Variants in BORCS5 observed in about 807,000 individuals in gnomAD.
The protein encoded by BORCS5 is BLOC-1-related complex subunit 5.
Under a neutral mutation model 22.1 loss-of-function variants are expected in BORCS5, and 17 were observed. That is an observed-to-expected ratio of 0.77 (90% confidence interval 0.53 to 1.15). The LOEUF (loss-of-function observed/expected upper bound fraction) is 1.15, where lower values mean the gene tolerates loss of function less well. BORCS5 is among the 50% of genes most tolerant of loss of function. The pLI is 0.00. For synonymous variants in BORCS5, 117 were observed against 99.8 expected (o/e 1.17, Z -1.03); for missense variants, 247 against 253.2 (o/e 0.98, Z 0.17).
chr12:12,439,945 A>G (rs1461419341), intron 3 of BORCS5, among the ~76,000 whole-genome samples: 1 of 151,976 alleles, frequency 6.6e-6, no homozygotes, highest in Non-Finnish European at 1.5e-5. Context: ...TCAAACACCA[A>G]CTCTCTGATA....
chr12:12,392,350 T>C (rs1181540909), intron 2 of BORCS5, among the ~76,000 whole-genome samples: 6 of 152,090 alleles, frequency 3.9e-5, no homozygotes, highest in Admixed American at 1.3e-4. Context: ...TCTGTGCTTT[T>C]TCCTATCATG....
chr12:12,369,715 T>C (rs1259139861), intron 2 of BORCS5, among the ~76,000 whole-genome samples: 1 of 106,452 alleles, frequency 9.4e-6, no homozygotes, highest in African/African-American at 4.1e-5. Context: ...CCCACTTCTT[T>C]TTTTTTTTTT....
rs115968233 is a variant in BORCS5 at position 12,441,851 on chromosome 12, G to T, written c.360+6066G>T. Among the ~76,000 whole-genome samples, 4 of 152,156 alleles carry T rather than the reference G, an allele frequency of 2.6e-5. No homozygotes were observed. The East Asian group carries it at 7.7e-4, about 29-fold the overall frequency. On this transcript the variant is annotated intron_variant, in intron 3 of 3. Transcript: ENST00000314565. ...ATTCTGCTTTGTGGATAGCATACTC[G>T]TGCCTGGGGAACATGGGTCTTGAGA... is the stretch of plus-strand genomic sequence containing the variant.
chr12:12,363,005 GT>G (rs1863325579), intron 2 of BORCS5, among the ~76,000 whole-genome samples: 1 of 151,756 alleles, frequency 6.6e-6, no homozygotes. Context: ...CTCTAAAGAA[GT>G]TAACAATAGT....
intron 2 of BORCS5, among the ~76,000 whole-genome samples, chr12:12,414,387 A>C (rs1207652179): frequency 2.8e-5 from 2 of 70,624 alleles, no homozygotes; most frequent in Non-Finnish European, 5.8e-5. Context: ...CGGGGGGCTG[A>C]CCCCCCCACC....
At chr12:12,451,850 G>A (rs1282583644) in intron 3 of BORCS5, among the ~76,000 whole-genome samples, 1 of 151,094 alleles carries the variant, frequency 6.6e-6, no homozygotes, top group Non-Finnish European at 1.5e-5. Flanking sequence ...CCCAGGAGGC[G>A]GAGCTTGCAG....
chr12:12,417,872 G>A (rs927576420), intron 2 of BORCS5, among the ~76,000 whole-genome samples: 2 of 151,950 alleles, frequency 1.3e-5, no homozygotes, highest in African/African-American at 4.8e-5. Flanking sequence ...GAACTCCTGA[G>A]CTCAAGCAGT....
At chr12:12,425,890 G>A (rs1023232297) in intron 2 of BORCS5, among the ~76,000 whole-genome samples, 3 of 152,188 alleles carry the variant, frequency 2.0e-5, no homozygotes, top group Admixed American at 1.3e-4. Flanking sequence ...CTGCTTAATT[G>A]ACTACTACAG....
In BORCS5 at chr12:12,430,372, C is replaced by T. The variant is rs187463145; in HGVS notation, c.203-5256C>T. Among the ~76,000 whole-genome samples, 311 of 152,098 alleles carry T rather than the reference C, an allele frequency of 2.0e-3. 2 individuals carry two copies. Among genetic ancestry groups the T allele is most frequent in the African/African-American group, 7.2e-3 (297 of 41,474 alleles). On this transcript the variant is annotated intron_variant, in intron 2 of 3. Transcript: ENST00000314565. The stretch of plus-strand genomic sequence containing the variant: ...TTCACCATGTTAGCCAGGGTGGTCT[C>T]GATCTCCTGACCTCGTGATTCGCCT...
intron 2 of BORCS5, among the ~76,000 whole-genome samples, chr12:12,408,000 C>T (rs551741819): frequency 2.6e-5 from 4 of 152,244 alleles, no homozygotes; most frequent in South Asian, 2.1e-4. Context: ...TGAGCCACCG[C>T]GCCTGGCCAA....
intron 2 of BORCS5, among the ~76,000 whole-genome samples, chr12:12,396,888 A>C (rs1028484256): frequency 6.6e-6 from 1 of 152,246 alleles, no homozygotes; most frequent in African/African-American, 2.4e-5. Flanking sequence ...TGCTCAGCAT[A>C]CTTTTTGAAA....
chr12:12,412,900 C>CTTTTTTTGTTTTTTTT (rs1941775575), intron 2 of BORCS5, among the ~76,000 whole-genome samples: 1 of 74,174 alleles, frequency 1.3e-5, no homozygotes, highest in African/African-American at 4.7e-5. Context: ...TTGTGGTTTT[C>CTTTTTTTGTTTTTTTT]TTTTTTTTTT....
chr12:12,374,327 T>G (rs1339622199), intron 2 of BORCS5, among the ~76,000 whole-genome samples: 1 of 151,534 alleles, frequency 6.6e-6, no homozygotes, highest in Non-Finnish European at 1.5e-5. Context: ...CTATATATAT[T>G]TTAAAACATA....
intron 2 of BORCS5, among the ~76,000 whole-genome samples, chr12:12,416,698 C>A (rs760314496): frequency 6.6e-6 from 1 of 151,918 alleles, no homozygotes; most frequent in Non-Finnish European, 1.5e-5. Context: ...TGGGCTCAAG[C>A]GATCCTTCCA....
intron 2 of BORCS5, among the ~76,000 whole-genome samples, chr12:12,369,162 G>A (rs943093560): frequency 7.2e-5 from 11 of 151,950 alleles, no homozygotes; most frequent in African/African-American, 2.2e-4. Flanking sequence ...TGATCCTTCC[G>A]TCTTTATGAA....
At chr12:12,402,795 C>T (rs1441254192) in intron 2 of BORCS5, among the ~76,000 whole-genome samples, 1 of 152,180 alleles carries the variant, frequency 6.6e-6, no homozygotes, top group Admixed American at 6.5e-5. Flanking sequence ...TCTCTATTAG[C>T]TTCTACTGTA....
In BORCS5 at chr12:12,436,262, A is replaced by G. The variant is rs76156761; in HGVS notation, c.360+477A>G. Among the ~76,000 whole-genome samples the G allele has an allele frequency of 8.1e-3, 1,227 of 152,302 alleles. 20 individuals carry two copies. The highest frequency in any genetic ancestry group is 0.027 in the African/African-American group (1,137 of 41,570). ...ATACGAAAAGCTCCAGTGATTCTTA[A>G]TGGTTTTATGGAAACAATTACGCCT... is the stretch of plus-strand genomic sequence containing the variant. On this transcript the variant is annotated intron_variant, in intron 3 of 3. Coordinates refer to ENST00000314565, the MANE Select transcript of BORCS5 (RefSeq NM_058169.6).
intron 2 of BORCS5, among the ~76,000 whole-genome samples, chr12:12,401,819 G>C (rs926941364): frequency 6.6e-6 from 1 of 152,082 alleles, no homozygotes; most frequent in Non-Finnish European, 1.5e-5. Flanking sequence ...AGCACTTTGG[G>C]AGGCCAAGGC....
chr12:12,367,043 C>A (rs1489514581), intron 2 of BORCS5, among the ~76,000 whole-genome samples: 1 of 152,146 alleles, frequency 6.6e-6, no homozygotes, highest in Non-Finnish European at 1.5e-5. Flanking sequence ...GAACATGATG[C>A]ATGTGAAGTA....
Sources: gnomAD v4.1 joint callset for allele counts (sites outside exome capture counted in the v4.1 genomes callset) on GRCh38, gnomAD v4.1.1 for gene constraint, MANE v1.5 for transcripts, NCBI Gene and HGNC (gene_info 2026-07-23, HGNC 2026-07-21) for gene names.